The following GHR variants were observed in gnomAD, a reference collection of about 807,000 sequenced individuals.
The protein encoded by GHR is GH receptor.
GHR carries 35 observed loss-of-function variants against 67.1 expected under a neutral mutation model. The observed-to-expected ratio is 0.52, with a 90% CI of 0.40 to 0.69. The LOEUF (loss-of-function observed/expected upper bound fraction) is 0.69. Among genes scored for constraint, GHR ranks in the 30% least tolerant of loss-of-function variants. GHR has a pLI of 0.00. For missense variants in GHR, 792 were observed against 764.6 expected (o/e 1.04, Z -0.42); for synonymous variants, 272 against 269.1 (o/e 1.01, Z -0.10).
intron 5 of GHR, 150 bp from the exon 6 acceptor site, chr5:42,699,674 A>T: frequency 1.5e-6 from 1 of 670,954 alleles, no homozygotes; most frequent in Non-Finnish European, 2.7e-6. Context: ...CTCTCTTATA[A>T]AGTGAAAGTT....
chr5:42,478,624 GTATTT>G (rs563123695), intron 1 of GHR, among the ~76,000 whole-genome samples: 610 of 152,200 alleles, frequency 4.0e-3, no homozygotes, highest in Non-Finnish European at 5.9e-3. Flanking sequence ...GGATTTCTAG[GTATTT>G]TATTCTCTTT....
chr5:42,605,398 G>T (rs1235733892), intron 2 of GHR, among the ~76,000 whole-genome samples: 1 of 151,982 alleles, frequency 6.6e-6, no homozygotes, highest in Non-Finnish European at 1.5e-5. Context: ...GAGCCACCGC[G>T]CCCGGCCTGG....
intron 3 of GHR, among the ~76,000 whole-genome samples, chr5:42,632,704 T>C (rs888167026): frequency 4.5e-5 from 6 of 133,924 alleles, no homozygotes; most frequent in Non-Finnish European, 9.5e-5. Context: ...TCAGTTCACA[T>C]ACGTGGTAGC....
chr5:42,688,134 G>T (rs181990953), intron 3 of GHR, among the ~76,000 whole-genome samples: 1 of 152,250 alleles, frequency 6.6e-6, no homozygotes, highest in Admixed American at 6.5e-5. Context: ...AAACATAAGT[G>T]CCTTTTATCA....
chr5:42,491,141 A>C (rs1470318583), intron 1 of GHR, among the ~76,000 whole-genome samples: 1 of 152,214 alleles, frequency 6.6e-6, no homozygotes, highest in Non-Finnish European at 1.5e-5. Flanking sequence ...ATATGTAGTG[A>C]ACACTGGATT....
intron 3 of GHR, 107 bp from the exon 4 acceptor site, chr5:42,688,783 A>G (rs958968211): frequency 1.9e-6 from 2 of 1,039,084 alleles, no homozygotes; most frequent in Non-Finnish European, 3.0e-6. Context: ...CACGGAATAC[A>G]CTGGCTTCAT....
At chr5:42,599,990 C>T (rs958993754) in intron 2 of GHR, among the ~76,000 whole-genome samples, 10 of 152,142 alleles carry the variant, frequency 6.6e-5, no homozygotes, top group African/African-American at 1.7e-4. Context: ...CTCACCAAAC[C>T]GTCACAAGGA....
At chr5:42,524,521 A>T (rs955808909) in intron 1 of GHR, among the ~76,000 whole-genome samples, 1 of 152,238 alleles carries the variant, frequency 6.6e-6, no homozygotes, top group Non-Finnish European at 1.5e-5. Flanking sequence ...ATAAAAGTTC[A>T]GAAAATTTGC....
chr5:42,426,744 G>A (rs2111866812), intron 1 of GHR, among the ~76,000 whole-genome samples: 1 of 152,250 alleles, frequency 6.6e-6, no homozygotes, highest in Middle Eastern at 3.4e-3. Context: ...AAACAAGACA[G>A]TACAGAATGT....
Position 42,486,860 on chromosome 5 carries a change from AAAAG to A in GHR, c.-12+62909_-12+62912del, listed in dbSNP as rs1408765161. Among the ~76,000 whole-genome samples the A allele has an allele frequency of 1.4e-4, 22 of 152,250 alleles. No individual in the cohort carries two copies. In the East Asian group the frequency reaches 2.5e-3, roughly 17 times the overall value. On this transcript the variant is annotated intron_variant, in intron 1 of 9. Coordinates refer to ENST00000230882, the MANE Select transcript of GHR (RefSeq NM_000163.5). ...AGACTCCGTCTCAAAAAAAAAAAAA[AAAAG>A]AAACCAAATTTAACTTTTTTTAATG... is the stretch of plus-strand genomic sequence containing the variant.
chr5:42,481,615 CT>C (rs1429675799), intron 1 of GHR, among the ~76,000 whole-genome samples: 14 of 152,194 alleles, frequency 9.2e-5, no homozygotes, highest in Admixed American at 4.6e-4. Context: ...CTAAACTTCT[CT>C]TCTCGCTTCA....
At chr5:42,485,953 C>A (rs968541509) in intron 1 of GHR, among the ~76,000 whole-genome samples, 1 of 152,182 alleles carries the variant, frequency 6.6e-6, no homozygotes, top group Non-Finnish European at 1.5e-5. Flanking sequence ...GATCTGTTTA[C>A]CTGCTCTGAG....
At chr5:42,498,942 C>T (rs531360594) in intron 1 of GHR, among the ~76,000 whole-genome samples, 12 of 152,288 alleles carry the variant, frequency 7.9e-5, no homozygotes, top group Non-Finnish European at 1.5e-4. Context: ...TAAACTCTTA[C>T]AGGCCTCTCT....
At chr5:42,488,426 G>C (rs547624623) in intron 1 of GHR, among the ~76,000 whole-genome samples, 9 of 152,100 alleles carry the variant, frequency 5.9e-5, no homozygotes, top group African/African-American at 2.2e-4. Flanking sequence ...TATGCTATGC[G>C]CACAATTACT....
chr5:42,428,487 C>T (rs957747963), intron 1 of GHR, among the ~76,000 whole-genome samples: 1 of 152,206 alleles, frequency 6.6e-6, no homozygotes, highest in African/African-American at 2.4e-5. Context: ...TTTGGCTTCT[C>T]ATTACTTATG....
chr5:42,696,301 C>T (rs1047977973), intron 5 of GHR, among the ~76,000 whole-genome samples: 2 of 152,100 alleles, frequency 1.3e-5, no homozygotes, highest in African/African-American at 4.8e-5. Context: ...TGCAGTGCAG[C>T]GTGATAGGTG....
rs1047949676 is a variant in GHR at position 42,424,128 on chromosome 5, C to A, written c.-12+173C>A. On this transcript the variant is annotated intron_variant, in intron 1 of 9. Coordinates refer to ENST00000230882, the MANE Select transcript of GHR (RefSeq NM_000163.5). The surrounding 1 kb of genome is among the most constrained non-coding windows in gnomAD (Gnocchi z 4.1). Reference sequence around the variant, plus strand: ...CTTGGCTGTGCTCCCCTCCTCCTTGCGAAGAAGTTGTTTTCTGCTGGTGGG... The same window carrying A: ...CTTGGCTGTGCTCCCCTCCTCCTTGAGAAGAAGTTGTTTTCTGCTGGTGGG... Among the ~76,000 whole-genome samples, 1 of 149,406 alleles carries A rather than the reference C, an allele frequency of 6.7e-6. No homozygotes were observed. Among genetic ancestry groups the A allele is most frequent in the South Asian group, 2.1e-4 (1 of 4,764 alleles).
intron 2 of GHR, among the ~76,000 whole-genome samples, chr5:42,604,713 ATT>A (rs35060701): frequency 0.27 from 39,155 of 144,752 alleles, 5,908 homozygotes; most frequent in African/African-American, 0.44. Context: ...ACACCCCTCT[ATT>A]TTTTTTTTTT....
intron 2 of GHR, among the ~76,000 whole-genome samples, chr5:42,582,038 C>T (rs1243704088): frequency 6.6e-6 from 1 of 152,264 alleles, no homozygotes; most frequent in African/African-American, 2.4e-5. Flanking sequence ...AGTGCTGACA[C>T]ACCAGCCCCC....
Sources: gnomAD v4.1 joint callset for allele counts (sites outside exome capture counted in the v4.1 genomes callset) on GRCh38, gnomAD v4.1.1 for gene constraint, Gnocchi (gnomAD v3.1) non-coding constraint, MANE v1.5 for transcripts, NCBI Gene and HGNC (gene_info 2026-07-23, HGNC 2026-07-21) for gene names.